Variants in KIAA1328 observed in about 807,000 individuals in gnomAD.
KIAA1328 encodes the protein KIAA1328.
Under a neutral mutation model 68.1 loss-of-function variants are expected in KIAA1328, and 52 were observed. That is an observed-to-expected ratio of 0.76 (90% CI 0.61 to 0.96). The LOEUF (loss-of-function observed/expected upper bound fraction) is 0.96. KIAA1328 is among the 40% of genes least tolerant of loss of function. The pLI is 0.00. For synonymous variants in KIAA1328, 232 were observed against 239.4 expected, an observed-to-expected ratio of 0.97 and a Z score of 0.28; for missense variants, 641 against 677.6, an observed-to-expected ratio of 0.95 and a Z score of 0.60.
At chr18:37,138,954 T>C (rs397834056) in intron 7 of KIAA1328, among the ~76,000 whole-genome samples, 1 of 126,394 alleles carries the variant, frequency 7.9e-6, no homozygotes, top group Non-Finnish European at 1.6e-5. Flanking sequence ...TGTTCTTTTT[T>C]TTTTTTTTTT....
intron 6 of KIAA1328, among the ~76,000 whole-genome samples, chr18:37,042,488 A>AT (rs796723818): frequency 5.3e-5 from 8 of 152,232 alleles, no homozygotes; most frequent in East Asian, 1.9e-4. Context: ...TCATGCCTTC[A>AT]TTTTTGAAGG....
At chr18:37,116,031 A>T (rs1047640759) in intron 7 of KIAA1328, among the ~76,000 whole-genome samples, 3 of 152,352 alleles carry the variant, frequency 2.0e-5, no homozygotes, top group Non-Finnish European at 4.4e-5. Context: ...AAATGGAAGA[A>T]CATTCCATGC....
intron 9 of KIAA1328, among the ~76,000 whole-genome samples, chr18:37,187,964 T>C (rs1032419448): frequency 6.6e-5 from 10 of 152,136 alleles, no homozygotes; most frequent in Admixed American, 4.6e-4. Context: ...TCACCACAAA[T>C]GGTGTTTATA....
At chr18:37,159,676 T>C (rs2059234482) in intron 7 of KIAA1328, among the ~76,000 whole-genome samples, 1 of 152,230 alleles carries the variant, frequency 6.6e-6, no homozygotes, top group South Asian at 2.1e-4. Flanking sequence ...TGTTGACCTT[T>C]TAATGAAACT....
intron 5 of KIAA1328, among the ~76,000 whole-genome samples, chr18:36,913,543 T>TACACACAC (rs34096013): frequency 0.24 from 31,223 of 131,342 alleles, 4,981 homozygotes; most frequent in Non-Finnish European, 0.32. Flanking sequence ...AGCAACTGCC[T>TACACACAC]ACACACACAC....
chr18:37,138,224 A>G (rs946262893), intron 7 of KIAA1328, among the ~76,000 whole-genome samples: 5 of 152,224 alleles, frequency 3.3e-5, no homozygotes, highest in Non-Finnish European at 4.4e-5. Context: ...TGTGAGTTAC[A>G]TACTATTAAT....
At chr18:36,905,787 G>A (rs1179832430) in intron 5 of KIAA1328, among the ~76,000 whole-genome samples, 1 of 152,150 alleles carries the variant, frequency 6.6e-6, no homozygotes, top group Non-Finnish European at 1.5e-5. Context: ...ATGGCAGATG[G>A]AGATTGATGA....
chr18:37,026,716 A>T (rs1298958319), intron 6 of KIAA1328, among the ~76,000 whole-genome samples: 1 of 152,178 alleles, frequency 6.6e-6, no homozygotes, highest in Non-Finnish European at 1.5e-5. Context: ...TATTGATGGG[A>T]TGTATCTGAA....
chr18:37,087,084 G>A (rs1252318117), intron 7 of KIAA1328, among the ~76,000 whole-genome samples: 1 of 152,012 alleles, frequency 6.6e-6, no homozygotes, highest in Non-Finnish European at 1.5e-5. Context: ...GTTTGAGACA[G>A]GGTTTTACTC....
chr18:37,166,123 T>C (rs1330872739), intron 8 of KIAA1328, among the ~76,000 whole-genome samples: 2 of 150,796 alleles, frequency 1.3e-5, no homozygotes, highest in Admixed American at 1.3e-4. Flanking sequence ...GAAACATCAG[T>C]GGAAATGGTG....
At chr18:36,979,026 G>A (rs1284723210) in intron 6 of KIAA1328, among the ~76,000 whole-genome samples, 1 of 152,052 alleles carries the variant, frequency 6.6e-6, no homozygotes, top group Non-Finnish European at 1.5e-5. Context: ...GGGCATGGTG[G>A]TACACACCTG....
chr18:36,923,727 CAATTTA>C (rs1482048819), intron 5 of KIAA1328: 2 of 152,144 alleles, frequency 1.3e-5, no homozygotes, highest in African/African-American at 4.8e-5. Context: ...CTATATGTGA[CAATTTA>C]AATTTAAATT....
At chr18:37,229,182 C>G (rs556389064), downstream of KIAA1328, among the ~76,000 whole-genome samples, 59 of 152,248 alleles carry the variant, frequency 3.9e-4, no homozygotes, top group South Asian at 0.011. Context: ...GAGAGGAATC[C>G]AGAATGTTGG....
intron 7 of KIAA1328, among the ~76,000 whole-genome samples, chr18:37,102,161 C>CA (rs2057638749): frequency 6.6e-6 from 1 of 152,140 alleles, no homozygotes; most frequent in East Asian, 1.9e-4. Flanking sequence ...GCACCATGAT[C>CA]AAGTGGGGTT....
chr18:37,116,326 G>A (rs1377365416), intron 7 of KIAA1328, among the ~76,000 whole-genome samples: 12 of 152,098 alleles, frequency 7.9e-5, no homozygotes, highest in Non-Finnish European at 1.6e-4. Flanking sequence ...CAGACCAATG[G>A]AACAGAACAG....
chr18:37,162,661 T>C (rs1375744440), intron 8 of KIAA1328, among the ~76,000 whole-genome samples: 5 of 152,168 alleles, frequency 3.3e-5, no homozygotes, highest in Non-Finnish European at 7.4e-5. Flanking sequence ...CACTGCTTGG[T>C]TCATCACCTT....
In KIAA1328 at chr18:36,854,929, T is replaced by A. The variant is rs2150859542; in HGVS notation, c.332+10627T>A. On this transcript the variant is annotated intron_variant, in intron 4 of 9. Coordinates refer to ENST00000280020, the MANE Select transcript of KIAA1328 (RefSeq NM_020776.3). ...AATTATATAGTGTGATCTTTTGTGT[T>A]TGGCTTCTTTCACAATGTTTTCAAG... Among the ~76,000 whole-genome samples the A allele has an allele frequency of 2.0e-5, 3 of 152,320 alleles. No homozygotes were observed. In the Middle Eastern group the frequency reaches 0.01, roughly 518 times the overall value.
chr18:37,098,378 A>G (rs568773829), intron 7 of KIAA1328, among the ~76,000 whole-genome samples: 2 of 152,202 alleles, frequency 1.3e-5, no homozygotes, highest in Non-Finnish European at 2.9e-5. Flanking sequence ...GATTACATTT[A>G]TTGATTTGTG....
intron 7 of KIAA1328, among the ~76,000 whole-genome samples, chr18:37,111,640 C>T (rs2057932602): frequency 6.6e-6 from 1 of 152,178 alleles, no homozygotes; most frequent in Non-Finnish European, 1.5e-5. Context: ...TCTGCATTTC[C>T]AACTGAGGCG....
Sources: allele counts gnomAD v4.1 joint callset (sites outside exome capture counted in the v4.1 genomes callset), GRCh38; gene constraint gnomAD v4.1.1; transcripts MANE v1.5; gene names NCBI Gene and HGNC (gene_info 2026-07-23, HGNC 2026-07-21).